The following HEATR3 variants were observed in gnomAD, a reference collection of about 807,000 sequenced individuals.
HEATR3 encodes HEAT repeat-containing protein 3.
In HEATR3, 56 loss-of-function variants were observed where a neutral mutation model predicts 72.8. That is an observed-to-expected ratio of 0.77 (90% CI 0.62 to 0.96). The LOEUF (loss-of-function observed/expected upper bound fraction) is 0.96, where lower values mean the gene tolerates loss of function less well. Ranked by LOEUF, HEATR3 falls within the 40% of genes least tolerant of loss-of-function variation. The probability of loss-of-function intolerance (pLI) is 0.00; values close to 1 mark genes in which losing one functional copy is unlikely to be tolerated. For synonymous variants in HEATR3, 331 were observed against 318.1 expected, an observed-to-expected ratio of 1.04 and a Z score of -0.43; for missense variants, 747 against 831.4, an observed-to-expected ratio of 0.90 and a Z score of 1.25.
At chr16:50,075,455 C>T in intron 5 of HEATR3, 116 bp from the exon 6 acceptor site, 1 of 950,566 alleles carries the variant, frequency 1.1e-6, no homozygotes, top group Non-Finnish European at 1.6e-6. Context: ...TTTTGCAAAA[C>T]CTACATGTGT....
Position 50,078,821 on chromosome 16 carries a change from G to A in HEATR3, c.844G>A (p.Glu282Lys). Residue 282 changes from glutamate to lysine, a missense_variant, in exon 7 of 15, where the codon GAA (glutamate) becomes AAA (lysine). Around this residue, in one of 2 missense-constraint regions of HEATR3, gnomAD observed 586 missense variants for 708.8 expected, o/e 0.83. Transcript: ENST00000299192. ...IINALLKILS[E>K]VLGMDAGEMV... ...AAATGCCTTACTAAAGATCTTATCT[G>A]AAGTTTTGGGAATGGATGCTGGTGA... 7.4e-6 allele frequency: 12 copies of A among 1,614,080 alleles called. No homozygotes were observed. Among genetic ancestry groups the A allele is most frequent in the Non-Finnish European group, 9.3e-6 (11 of 1,179,994 alleles).
At chr16:50,098,768 G>A (rs1230670184) in intron 12 of HEATR3, among the ~76,000 whole-genome samples, 1 of 151,946 alleles carries the variant, frequency 6.6e-6, no homozygotes, top group East Asian at 1.9e-4. Context: ...CTTTGTAGTA[G>A]TGACATTAAA....
At position 50,102,282 on chromosome 16, in the gene HEATR3, A is replaced by G; in HGVS notation, c.1767A>G (p.Glu589=). 6.2e-7 allele frequency: 1 copy of G among 1,613,410 alleles called. No individual in the cohort carries two copies. Among genetic ancestry groups the G allele is most frequent in the Non-Finnish European group, 8.5e-7 (1 of 1,179,852 alleles). Residue 589 remains glutamate (E), a synonymous_variant, in exon 14 of 15, where the codon GAA becomes GAG. Transcript: ENST00000299192. ...AGAACATTGGGTGCTTTCTGCTTGAAGTTACCACCAAAGATCCTTCCCTTG... is the reference window on the plus strand; with the variant it reads ...AGAACATTGGGTGCTTTCTGCTTGAGGTTACCACCAAAGATCCTTCCCTTG... ...TLKNIGCFLL[E]VTTKDPSLVV... is the part of the protein sequence containing the mutation.
chr16:50,086,526 A>G (rs1418679955), intron 11 of HEATR3, among the ~76,000 whole-genome samples, 175 bp downstream of exon 11: 24 of 152,224 alleles, frequency 1.6e-4, no homozygotes, highest in Admixed American at 1.6e-3. Flanking sequence ...GAGGTATGCA[A>G]GCAGCTCCTG....
intron 13 of HEATR3, among the ~76,000 whole-genome samples, chr16:50,101,806 C>T (rs2037371483): frequency 6.6e-6 from 1 of 152,152 alleles, no homozygotes; most frequent in Admixed American, 6.6e-5. Flanking sequence ...TCTTGAACTC[C>T]TGGGCTCGAG....
intron 12 of HEATR3, among the ~76,000 whole-genome samples, chr16:50,097,704 C>G (rs962954271): frequency 1.3e-5 from 2 of 152,016 alleles, no homozygotes; most frequent in African/African-American, 4.8e-5. Context: ...CACTTGAGGT[C>G]AGGAGTTTGA....
chr16:50,082,401 G>A (rs1038264557), intron 7 of HEATR3, among the ~76,000 whole-genome samples: 4 of 151,946 alleles, frequency 2.6e-5, no homozygotes, highest in Non-Finnish European at 4.4e-5. Flanking sequence ...GTGAATGAGA[G>A]CCCAGCAGCA....
At chr16:50,104,805 A>C (rs1444464609) in intron 14 of HEATR3, 134 bp from the exon 15 acceptor site, 1 of 695,158 alleles carries the variant, frequency 1.4e-6, no homozygotes, top group African/African-American at 1.9e-5. Context: ...CCTTGGAAGT[A>C]AAAACATTTT....
At position 50,105,323 on chromosome 16, in the gene HEATR3, A is replaced by G; in HGVS notation, c.*262A>G. Reference sequence around the variant, plus strand: ...ACATGGTGAAACCGCATGCATAAGCATGGTGGCACATGCCTGTGATCCCAG... The same window carrying G: ...ACATGGTGAAACCGCATGCATAAGCGTGGTGGCACATGCCTGTGATCCCAG... On this transcript the variant is annotated 3_prime_UTR_variant, in exon 15 of 15. Coordinates refer to ENST00000299192, the MANE Select transcript of HEATR3 (RefSeq NM_182922.4). The G allele has an allele frequency of 2.8e-6, 1 of 354,230 alleles. No individual in the cohort carries two copies. Among genetic ancestry groups the G allele is most frequent in the South Asian group, 2.5e-5 (1 of 39,606 alleles). 21.9% of individuals were successfully genotyped at this position (354,230 alleles called of 1,614,324 possible).
chr16:50,097,345 A>ATTTT (rs11383881), intron 12 of HEATR3, among the ~76,000 whole-genome samples: 65 of 125,954 alleles, frequency 5.2e-4, no homozygotes, highest in African/African-American at 2.0e-3. Flanking sequence ...ATTAGCTATG[A>ATTTT]TTTTTTTTTT....
At chr16:50,103,397 C>CT (rs1002361288) in intron 14 of HEATR3, among the ~76,000 whole-genome samples, 9 of 152,116 alleles carry the variant, frequency 5.9e-5, no homozygotes, top group South Asian at 2.1e-4. Flanking sequence ...ATGTGAAACT[C>CT]TTTTTTTTGC....
chr16:50,068,316 A>T (rs986663709), intron 2 of HEATR3, among the ~76,000 whole-genome samples: 1 of 151,894 alleles, frequency 6.6e-6, no homozygotes, highest in Non-Finnish European at 1.5e-5. Context: ...ATTTTATTTT[A>T]TTTTTTTAGA....
chr16:50,072,823 A>G (rs557201998), intron 5 of HEATR3, 109 bp downstream of exon 5: 4 of 714,296 alleles, frequency 5.6e-6, no homozygotes, highest in South Asian at 4.6e-5. Context: ...GTTTCGTTGT[A>G]TGTGAATGTG....
chr16:50,068,826 AC>A lies in HEATR3; in HGVS notation c.359del (p.Thr120IlefsTer5), dbSNP rs2036553023. On this transcript the variant is annotated frameshift_variant, in exon 3 of 15. Transcript: ENST00000299192. LOFTEE classifies it high-confidence loss of function. Reference protein sequence around the residue: ...GGFEVCDDMVTKDIMTPLVAL... With the variant: ...GGFEVCDDMVXKDIMTPLVAL... ...TTTTGAAGTTTGTGATGACATGGTG[AC>A]TAAGGATATCATGACCCCTCTGGTT... 1 of 1,613,960 alleles carries A rather than the reference AC, an allele frequency of 6.2e-7. No individual in the cohort carries two copies. Among genetic ancestry groups the A allele is most frequent in the African/African-American group, 1.3e-5 (1 of 74,944 alleles).
intron 12 of HEATR3, among the ~76,000 whole-genome samples, chr16:50,095,788 T>C (rs2037221972): frequency 6.6e-6 from 1 of 152,154 alleles, no homozygotes; most frequent in Admixed American, 6.6e-5. Flanking sequence ...TTCATCTCAC[T>C]GGGTCCTTAT....
chr16:50,088,140 AAGAG>A (rs2037029173), intron 11 of HEATR3, among the ~76,000 whole-genome samples: 1 of 152,146 alleles, frequency 6.6e-6, no homozygotes, highest in African/African-American at 2.4e-5. Context: ...AAAAAATCAA[AAGAG>A]AGTCACTTTT....
At chr16:50,066,923 A>G (rs914440534) in intron 2 of HEATR3, 1 of 201,450 alleles carries the variant, frequency 5.0e-6, no homozygotes, top group African/African-American at 2.3e-5. Flanking sequence ...TTGACAGCCA[A>G]GATCCCTGTC....
In HEATR3 at chr16:50,088,426, T is replaced by G. The variant is rs114107303; in HGVS notation, c.1510+2075T>G. Among the ~76,000 whole-genome samples the G allele has an allele frequency of 5.4e-3, 818 of 152,306 alleles. 7 individuals carry two copies. Among genetic ancestry groups the G allele is most frequent in the African/African-American group, 0.018 (764 of 41,576 alleles). ...CTGGCTGTGCATTCATTGGCTGGAATGATCCCATGAAAGCTGTGCCCAGCC... is the reference window on the plus strand; with the variant it reads ...CTGGCTGTGCATTCATTGGCTGGAAGGATCCCATGAAAGCTGTGCCCAGCC... On this transcript the variant is annotated intron_variant, in intron 11 of 14. Coordinates refer to ENST00000299192, the MANE Select transcript of HEATR3 (RefSeq NM_182922.4).
chr16:50,101,254 T>G (rs2037359902), intron 13 of HEATR3, among the ~76,000 whole-genome samples: 1 of 151,954 alleles, frequency 6.6e-6, no homozygotes. Flanking sequence ...TAGCTGGGAT[T>G]ACAGGTGCCC....
Sources: gnomAD v4.1 joint callset for allele counts (sites outside exome capture counted in the v4.1 genomes callset) on GRCh38, gnomAD v4.1.1 for gene constraint, gnomAD v4.1.1 regional missense constraint, MANE v1.5 for transcripts, NCBI Gene and HGNC (gene_info 2026-07-23, HGNC 2026-07-21) for gene names.